The following RHAG variants were observed in gnomAD, a reference collection of about 807,000 sequenced individuals.
The protein encoded by RHAG is Rh associated glycoprotein, also known as ammonium transporter Rh type A.
A neutral mutation model predicts 42.4 loss-of-function variants in RHAG; 25 were observed. That is an observed-to-expected ratio of 0.59 (90% CI 0.43 to 0.82). The LOEUF is 0.82. Among genes scored for constraint, RHAG ranks in the 40% least tolerant of loss-of-function variants. RHAG has a pLI of 0.00. For synonymous variants in RHAG, 182 were observed against 177.7 expected (o/e 1.02, Z -0.19); for missense variants, 483 against 504.6 (o/e 0.96, Z 0.41).
chr6:49,620,523 T>TTC (rs760180689), intron 1 of RHAG, among the ~76,000 whole-genome samples: 2 of 151,574 alleles, frequency 1.3e-5, no homozygotes, highest in African/African-American at 4.9e-5. Context: ...GCACCATAGT[T>TTC]TCTCTCTCTC....
chr6:49,621,099 C>T (rs1045090113), intron 1 of RHAG, among the ~76,000 whole-genome samples: 1 of 152,162 alleles, frequency 6.6e-6, no homozygotes, highest in Admixed American at 6.5e-5. Context: ...TGGCTCCTCT[C>T]TACTTCTGTT....
At chr6:49,612,228 AGAACCACT>A (rs1198425479) in intron 6 of RHAG, among the ~76,000 whole-genome samples, 161 bp downstream of exon 6, 1 of 152,364 alleles carries the variant, frequency 6.6e-6, no homozygotes, top group Non-Finnish European at 1.5e-5. Context: ...AGGGCAGAGT[AGAACCACT>A]GAACCACTGA....
chr6:49,635,530 CT>C (rs1762997725), intron 1 of RHAG, among the ~76,000 whole-genome samples: 1 of 152,072 alleles, frequency 6.6e-6, no homozygotes. Context: ...AGAATTTTTT[CT>C]GTTTTATTCT....
Position 49,636,771 on chromosome 6 carries a change from A to G in RHAG, c.42T>C (p.Ile14=). The change falls in exon 1 of 10, where the codon ATT becomes ATC. Residue 14 remains isoleucine, a synonymous_variant. Transcript: ENST00000371175. ...ATAATCCAAATAAAACAATCATGGC[A>G]ATTTCCAGGACTATAGCCATGAGAG... ...TFPLMAIVLE[I]AMIVLFGLFV... is the part of the protein sequence containing the mutation. The G allele has an allele frequency of 6.2e-7, 1 of 1,613,980 alleles. No homozygotes were observed. Among genetic ancestry groups the G allele is most frequent in the Non-Finnish European group, 8.5e-7 (1 of 1,179,830 alleles).
Position 49,619,124 on chromosome 6 carries a change from GT to G in RHAG, c.341+54del, listed in dbSNP as rs917186340. 8 of 1,579,544 alleles carry G rather than the reference GT, an allele frequency of 5.1e-6. No homozygotes were observed. The African/African-American group carries it at 9.4e-5, about 19-fold the overall frequency. ...TATCATCATGTTGGAGGTTAAGAGT[GT>G]AATATATGAATTCTGGAGGATGCAA... On this transcript the variant is annotated intron_variant, in intron 2 of 9. Coordinates refer to ENST00000371175, the MANE Select transcript of RHAG (RefSeq NM_000324.3).
chr6:49,625,357 T>C (rs898471233), intron 1 of RHAG, among the ~76,000 whole-genome samples: 1 of 152,336 alleles, frequency 6.6e-6, no homozygotes, highest in African/African-American at 2.4e-5. Flanking sequence ...CTTGGGCAAA[T>C]TGCTTAATCT....
chr6:49,633,619 G>A (rs1207423973), intron 1 of RHAG, among the ~76,000 whole-genome samples: 3 of 152,124 alleles, frequency 2.0e-5, no homozygotes, highest in Admixed American at 6.6e-5. Context: ...AATAGACTGG[G>A]TTATGGACAG....
At chr6:49,626,364 G>A (rs1172954423) in intron 1 of RHAG, among the ~76,000 whole-genome samples, 2 of 152,194 alleles carry the variant, frequency 1.3e-5, no homozygotes, top group Non-Finnish European at 2.9e-5. Context: ...AGTGGCTACA[G>A]GCCCCATGCA....
chr6:49,617,222 A>G (rs1352447857), intron 3 of RHAG, among the ~76,000 whole-genome samples: 1 of 152,158 alleles, frequency 6.6e-6, no homozygotes, highest in Non-Finnish European at 1.5e-5. Flanking sequence ...GTTACTGGAA[A>G]ACTTCTAGGT....
chr6:49,615,394 T>G (rs1472024980), intron 4 of RHAG: 7 of 379,318 alleles, frequency 1.8e-5, no homozygotes, highest in Middle Eastern at 1.6e-3. Flanking sequence ...GAATTTATTA[T>G]TATTATTATT....
chr6:49,625,368 T>A (rs1762829246), intron 1 of RHAG, among the ~76,000 whole-genome samples: 1 of 152,226 alleles, frequency 6.6e-6, no homozygotes, highest in Non-Finnish European at 1.5e-5. Context: ...TGCTTAATCT[T>A]TTTAAACCTC....
chr6:49,623,496 T>G (rs1210216663), intron 1 of RHAG, among the ~76,000 whole-genome samples: 1 of 152,198 alleles, frequency 6.6e-6, no homozygotes, highest in African/African-American at 2.4e-5. Flanking sequence ...AAGGAATTTC[T>G]TTAGGGGTTC....
chr6:49,605,238 C>T lies in RHAG; in HGVS notation c.*575G>A, dbSNP rs1774139346. On this transcript the variant is annotated 3_prime_UTR_variant, in exon 10 of 10. Transcript: ENST00000371175. ...TGCAAAATAGACTTTGATCAGATAG[C>T]ATTTGAGCTCGTTGCAAATAGTCAA... The T allele has an allele frequency of 1.9e-5, 3 of 155,760 alleles. No individual in the cohort carries two copies. The South Asian group carries it at 5.7e-4, about 30-fold the overall frequency. 9.6% of individuals were successfully genotyped at this position (155,760 alleles called of 1,614,324 possible). A position where few individuals can be genotyped will look rare whatever the true frequency, so the allele number is the denominator to read the frequency against.
intron 3 of RHAG, among the ~76,000 whole-genome samples, chr6:49,616,528 T>G (rs1762657978): frequency 6.6e-6 from 1 of 152,134 alleles, no homozygotes; most frequent in African/African-American, 2.4e-5. Context: ...GAAAACCAGC[T>G]GAGGTCCCAG....
intron 6 of RHAG, 137 bp downstream of exon 6, chr6:49,612,260 T>A: frequency 1.1e-6 from 1 of 911,582 alleles, no homozygotes; most frequent in South Asian, 1.5e-5. Flanking sequence ...GGGAGTGGTA[T>A]TTCCAAAAAG....
At chr6:49,627,765 G>C (rs975262194) in intron 1 of RHAG, among the ~76,000 whole-genome samples, 1 of 152,144 alleles carries the variant, frequency 6.6e-6, no homozygotes, top group Non-Finnish European at 1.5e-5. Context: ...GCAGGTGAGA[G>C]AGCTGGTGCA....
intron 9 of RHAG, among the ~76,000 whole-genome samples, chr6:49,606,275 G>GT (rs1408655466): frequency 1.3e-4 from 20 of 151,910 alleles, no homozygotes; most frequent in Non-Finnish European, 2.8e-4. Flanking sequence ...AATTTCTTTT[G>GT]TTTTTTGTTT....
intron 9 of RHAG, 73 bp from the exon 10 acceptor site, chr6:49,605,903 A>C: frequency 8.1e-7 from 1 of 1,242,136 alleles, no homozygotes; most frequent in East Asian, 2.3e-5. Flanking sequence ...TATTGAAACA[A>C]AAATATTTTT....
intron 5 of RHAG, 53 bp downstream of exon 5, chr6:49,614,634 C>A: frequency 6.6e-7 from 1 of 1,507,054 alleles, no homozygotes; most frequent in South Asian, 1.1e-5. Context: ...CTTATCTGAG[C>A]AACTGTCAGT....
Sources: allele counts gnomAD v4.1 joint callset (sites outside exome capture counted in the v4.1 genomes callset), GRCh38; gene constraint gnomAD v4.1.1; transcripts MANE v1.5; gene names NCBI Gene and HGNC (gene_info 2026-07-23, HGNC 2026-07-21).